The following LYPD6B variants were observed in gnomAD, a reference collection of about 807,000 sequenced individuals.
The protein encoded by LYPD6B is LY6/PLAUR domain containing 6B.
Under a neutral mutation model 22.8 loss-of-function variants are expected in LYPD6B, and 17 were observed. The observed-to-expected ratio is 0.75, with a 90% CI of 0.51 to 1.12. The LOEUF is 1.12. Ranked by LOEUF, LYPD6B falls within the 50% of genes most tolerant of loss-of-function variation. The pLI, the probability that LYPD6B is intolerant of heterozygous loss-of-function variation, is 0.00. For synonymous variants in LYPD6B, 106 were observed against 91.6 expected (o/e 1.16, Z -0.90); for missense variants, 221 against 258.3 (o/e 0.86, Z 0.99).
intron 1 of LYPD6B, among the ~76,000 whole-genome samples, chr2:149,104,330 A>G (rs1015624137): frequency 9.8e-5 from 15 of 152,302 alleles, no homozygotes; most frequent in African/African-American, 3.6e-4. Flanking sequence ...AAACACTGAT[A>G]TGATTTCATG....
chr2:149,074,350 T>C (rs1401735127), intron 1 of LYPD6B, among the ~76,000 whole-genome samples: 2 of 152,358 alleles, frequency 1.3e-5, no homozygotes, highest in Non-Finnish European at 1.5e-5. Context: ...CAGTTACTTC[T>C]AGATAGATCT....
chr2:149,187,495 A>G (rs1475565605), intron 3 of LYPD6B: 1 of 1,510,942 alleles, frequency 6.6e-7, no homozygotes, highest in Non-Finnish European at 8.8e-7. Context: ...CAGAAGAGAT[A>G]TTTTCAGCTG....
chr2:149,195,550 A>G (rs769811005), intron 3 of LYPD6B, among the ~76,000 whole-genome samples: 28 of 152,252 alleles, frequency 1.8e-4, no homozygotes, highest in Non-Finnish European at 2.9e-4. Context: ...CTGCTCTCAC[A>G]TGTATGTTAG....
chr2:149,093,508 A>G lies in LYPD6B; in HGVS notation c.-66-37375A>G, dbSNP rs117609696. On this transcript the variant is annotated intron_variant, in intron 1 of 6. Transcript: ENST00000409642. ...AGACAATCCATGGTGGTTTCTGATG[A>G]TTTTTACGTTTCTCTAAGTGCCCAT... 3.3e-5 allele frequency among the ~76,000 whole-genome samples: 5 copies of G among 152,268 alleles called. No homozygotes were observed. The East Asian group carries it at 7.7e-4, about 24-fold the overall frequency.
At chr2:149,199,794 G>T (rs1339722001) in intron 3 of LYPD6B, among the ~76,000 whole-genome samples, 1 of 152,200 alleles carries the variant, frequency 6.6e-6, no homozygotes, top group Non-Finnish European at 1.5e-5. Flanking sequence ...AAGAGAAATT[G>T]AAGCCGTAGG....
intron 1 of LYPD6B, among the ~76,000 whole-genome samples, chr2:149,110,869 A>T (rs965008693): frequency 5.3e-5 from 8 of 152,216 alleles, no homozygotes; most frequent in Admixed American, 1.3e-4. Flanking sequence ...AAGGCAGAGT[A>T]AAAGGAGAGA....
In LYPD6B at chr2:149,208,294, C is replaced by T; in HGVS notation, c.230-20C>T. On this transcript the variant is annotated intron_variant, in intron 4 of 6. Coordinates refer to ENST00000409642, the MANE Select transcript of LYPD6B (RefSeq NM_177964.5). ...TTGTCTTCTGTAGCTTACTGTTTCA[C>T]TTTGCTTTTTTCTTTAAAGCTACAC... 6.3e-7 allele frequency: 1 copy of T among 1,599,630 alleles called. No individual in the cohort carries two copies. The highest frequency in any genetic ancestry group is 1.1e-5 in the South Asian group (1 of 90,604).
At chr2:149,148,341 G>C (rs1689163884) in intron 2 of LYPD6B, among the ~76,000 whole-genome samples, 1 of 152,170 alleles carries the variant, frequency 6.6e-6, no homozygotes, top group Admixed American at 6.6e-5. Context: ...AAGTGATTAA[G>C]GGCTGGAGGG....
intron 2 of LYPD6B, among the ~76,000 whole-genome samples, chr2:149,145,296 G>T (rs1275237775): frequency 6.6e-6 from 1 of 152,166 alleles, no homozygotes; most frequent in African/African-American, 2.4e-5. Flanking sequence ...TGGATTGTGT[G>T]CTTGGACGAT....
At chr2:149,155,643 C>T (rs1689652592) in intron 2 of LYPD6B, among the ~76,000 whole-genome samples, 1 of 152,212 alleles carries the variant, frequency 6.6e-6, no homozygotes, top group Non-Finnish European at 1.5e-5. Context: ...TGAGGACAGG[C>T]TAAGTGATCC....
rs769543369 is a variant in LYPD6B, at chr2:149,086,170, A to G, written c.-66-44713A>G. Among the ~76,000 whole-genome samples, 85 of 152,194 alleles carry G rather than the reference A, an allele frequency of 5.6e-4. 1 individual carries two copies. Among genetic ancestry groups the G allele is most frequent in the Non-Finnish European group, 3.8e-4 (26 of 68,030 alleles). The stretch of plus-strand genomic sequence containing the variant: ...GTACTCCCCCACTGCTGTACACATA[A>G]ACACTTCCCCAATGTGCATTCATGC... On this transcript the variant is annotated intron_variant, in intron 1 of 6. Transcript: ENST00000409642.
At chr2:149,179,092 C>A (rs183456361) in intron 3 of LYPD6B, among the ~76,000 whole-genome samples, 1 of 152,168 alleles carries the variant, frequency 6.6e-6, no homozygotes, top group South Asian at 2.1e-4. Context: ...AGGCAGGAGA[C>A]GAGTGCATGC....
At chr2:149,161,276 G>T (rs183508464) in intron 3 of LYPD6B, among the ~76,000 whole-genome samples, 2 of 152,292 alleles carry the variant, frequency 1.3e-5, no homozygotes, top group Admixed American at 1.3e-4. Flanking sequence ...AGCATTTGTA[G>T]TTACAGAATC....
intron 3 of LYPD6B, 92 bp from the exon 4 acceptor site, chr2:149,205,161 T>A: frequency 7.4e-7 from 1 of 1,345,806 alleles, no homozygotes; most frequent in Non-Finnish European, 1.0e-6. Flanking sequence ...GTTGGATATA[T>A]TTGGATAATG....
At chr2:149,087,475 A>G (rs1449866595) in intron 1 of LYPD6B, among the ~76,000 whole-genome samples, 1 of 152,054 alleles carries the variant, frequency 6.6e-6, no homozygotes, top group Non-Finnish European at 1.5e-5. Context: ...CTGAGGCAGG[A>G]GGATTGCTTG....
rs553754505 is a variant in LYPD6B, at chr2:149,146,676, C to T, written c.6-14088C>T. On this transcript the variant is annotated intron_variant, in intron 2 of 6. Transcript: ENST00000409642. ...CCCTCTCAGTTTAGACAGTCTTGGCCGAACTATGGCTATTGGGGGCCACTC... is the reference window on the plus strand; with the variant it reads ...CCCTCTCAGTTTAGACAGTCTTGGCTGAACTATGGCTATTGGGGGCCACTC... 5.9e-5 allele frequency among the ~76,000 whole-genome samples: 9 copies of T among 151,756 alleles called. No homozygotes were observed. In the South Asian group the frequency reaches 1.0e-3, roughly 18 times the overall value.
intron 3 of LYPD6B, among the ~76,000 whole-genome samples, chr2:149,164,991 A>G (rs1294962608): frequency 1.3e-5 from 2 of 152,136 alleles, no homozygotes; most frequent in African/African-American, 2.4e-5. Flanking sequence ...CACTTTTGCT[A>G]ATATTGCCAT....
chr2:149,136,206 A>G (rs566051433), intron 2 of LYPD6B, among the ~76,000 whole-genome samples: 172 of 152,340 alleles, frequency 1.1e-3, no homozygotes, highest in African/African-American at 4.0e-3. Flanking sequence ...ACTGTTTCCT[A>G]TGCATTTAAG....
At chr2:149,127,854 G>A (rs1687789534) in intron 1 of LYPD6B, among the ~76,000 whole-genome samples, 1 of 151,908 alleles carries the variant, frequency 6.6e-6, no homozygotes, top group Non-Finnish European at 1.5e-5. Flanking sequence ...CTCTACTCTT[G>A]GTTTATGGGG....
Sources: allele counts gnomAD v4.1 joint callset (sites outside exome capture counted in the v4.1 genomes callset), GRCh38; gene constraint gnomAD v4.1.1; transcripts MANE v1.5; gene names NCBI Gene and HGNC (gene_info 2026-07-23, HGNC 2026-07-21).